The following ARHGAP22 variants were observed in gnomAD, a reference collection of about 807,000 sequenced individuals.
ARHGAP22 encodes the protein Rho GTPase activating protein 22, also known as rho GTPase-activating protein 22.
ARHGAP22 carries 48 observed loss-of-function variants against 59.1 expected under a neutral mutation model. That is an observed-to-expected ratio of 0.81 (90% CI 0.64 to 1.03). The LOEUF is 1.03. ARHGAP22 is among the 50% of genes least tolerant of loss of function. The pLI, the probability that ARHGAP22 is intolerant of heterozygous loss-of-function variation, is 0.00. For missense variants in ARHGAP22, 1,015 were observed against 958.7 expected (o/e 1.06, Z -0.78); for synonymous variants, 445 against 416.4 (o/e 1.07, Z -0.84).
chr10:48,630,979 A>G (rs1055299388), intron 1 of ARHGAP22, among the ~76,000 whole-genome samples: 1 of 152,234 alleles, frequency 6.6e-6, no homozygotes, highest in Admixed American at 6.5e-5. Context: ...AAAAGTTTTT[A>G]TCATGAATGA....
At chr10:48,624,989 G>A (rs891486364) in intron 1 of ARHGAP22, 1 of 152,222 alleles carries the variant, frequency 6.6e-6, no homozygotes, top group Non-Finnish European at 1.5e-5. Flanking sequence ...TTGGCATAAA[G>A]CTTTTTAGAA....
At chr10:48,495,284 T>C (rs2050801321) in intron 3 of ARHGAP22, among the ~76,000 whole-genome samples, 2 of 152,170 alleles carry the variant, frequency 1.3e-5, no homozygotes, top group Admixed American at 1.3e-4. Context: ...CAGCTTTGAT[T>C]GAGTGCTCAC....
In ARHGAP22 at chr10:48,451,668, AC is replaced by A. The variant is rs1184977146; in HGVS notation, c.989-529del. ...ATGCACCCCGCCCACCCCCTAAAAT[AC>A]CCCCCACAATCACACGTACAATGCA... On this transcript the variant is annotated intron_variant, in intron 8 of 9. Coordinates refer to ENST00000249601, the MANE Select transcript of ARHGAP22 (RefSeq NM_021226.4). 9.1e-6 allele frequency: 5 copies of A among 548,226 alleles called. No homozygotes were observed. In the African/African-American group the frequency reaches 1.1e-4, roughly 12 times the overall value. 34.0% of individuals were successfully genotyped at this position (548,226 alleles called of 1,614,324 possible).
chr10:48,456,233 C>T, intron 5 of ARHGAP22, among the ~76,000 whole-genome samples: 1 of 152,176 alleles, frequency 6.6e-6, no homozygotes, highest in Non-Finnish European at 1.5e-5. Flanking sequence ...TGCCATTATG[C>T]TATCACCTGA....
chr10:48,548,081 C>T (rs2056600111), intron 3 of ARHGAP22, among the ~76,000 whole-genome samples: 1 of 152,180 alleles, frequency 6.6e-6, no homozygotes, highest in Non-Finnish European at 1.5e-5. Context: ...AGCTTAAGCA[C>T]AGATACTGAG....
upstream of ARHGAP22, among the ~76,000 whole-genome samples, chr10:48,654,810 CTTTCTTTCTTTCTTT>C (rs1565068691): frequency 0.073 from 9,468 of 129,794 alleles, 449 homozygotes; most frequent in Middle Eastern, 0.11. Context: ...TTCTTTCTTT[CTTTCTTTCTTTCTTT>C]CTTCCTTCCT....
At chr10:48,535,836 T>A (rs2055298323) in intron 3 of ARHGAP22, among the ~76,000 whole-genome samples, 1 of 152,156 alleles carries the variant, frequency 6.6e-6, no homozygotes, top group South Asian at 2.1e-4. Flanking sequence ...CAGCATTGGC[T>A]GTGATATGAA....
intron 3 of ARHGAP22, among the ~76,000 whole-genome samples, chr10:48,547,544 G>C (rs2056550981): frequency 6.6e-6 from 1 of 152,212 alleles, no homozygotes; most frequent in Non-Finnish European, 1.5e-5. Flanking sequence ...AGAAATATGG[G>C]GCTCCCAGCC....
At chr10:48,503,107 C>T (rs2051705834) in intron 3 of ARHGAP22, among the ~76,000 whole-genome samples, 2 of 152,186 alleles carry the variant, frequency 1.3e-5, no homozygotes, top group South Asian at 4.1e-4. Context: ...GAATGCATGG[C>T]TGAGACTGGA....
chr10:48,649,291 C>T (rs979726353), intron 1 of ARHGAP22, among the ~76,000 whole-genome samples: 8 of 152,114 alleles, frequency 5.3e-5, no homozygotes, highest in Non-Finnish European at 1.0e-4. Flanking sequence ...ACATCTCTGC[C>T]AGCAGTGGGG....
chr10:48,592,352 C>T (rs993351519), intron 1 of ARHGAP22, among the ~76,000 whole-genome samples: 2 of 152,186 alleles, frequency 1.3e-5, no homozygotes, highest in Admixed American at 6.5e-5. Flanking sequence ...TCCCCAACAT[C>T]CGTCCCACCA....
intron 7 of ARHGAP22, among the ~76,000 whole-genome samples, chr10:48,453,727 G>A (rs1181639908): frequency 6.6e-6 from 1 of 152,190 alleles, no homozygotes. Context: ...AGTCAGCGCC[G>A]CCCCTGCATT....
At chr10:48,594,566 C>CA (rs2059953143) in intron 1 of ARHGAP22, among the ~76,000 whole-genome samples, 1 of 152,212 alleles carries the variant, frequency 6.6e-6, no homozygotes, top group African/African-American at 2.4e-5. Flanking sequence ...TCCCCACCCC[C>CA]AAATGTGCTG....
intron 3 of ARHGAP22, among the ~76,000 whole-genome samples, chr10:48,534,560 G>A (rs1196483374): frequency 4.6e-5 from 7 of 152,208 alleles, no homozygotes; most frequent in Non-Finnish European, 7.4e-5. Flanking sequence ...GGTGGGAGGC[G>A]GTCTCGGTTA....
intron 1 of ARHGAP22, among the ~76,000 whole-genome samples, chr10:48,628,947 T>C (rs2061540128): frequency 6.6e-6 from 1 of 152,190 alleles, no homozygotes. Flanking sequence ...AAGAACACAG[T>C]GCACAACCCT....
At chr10:48,494,781 C>T (rs1564763991) in intron 3 of ARHGAP22, among the ~76,000 whole-genome samples, 1 of 152,168 alleles carries the variant, frequency 6.6e-6, no homozygotes, top group Non-Finnish European at 1.5e-5. Context: ...CCTCCAGGTC[C>T]CTCGGACCAC....
At chr10:48,519,632 C>G (rs2053620216) in intron 3 of ARHGAP22, among the ~76,000 whole-genome samples, 1 of 152,206 alleles carries the variant, frequency 6.6e-6, no homozygotes, top group African/African-American at 2.4e-5. Context: ...AGCGGCAGAC[C>G]CAGGCTCACC....
chr10:48,460,141 G>A (rs1271938929), intron 4 of ARHGAP22, among the ~76,000 whole-genome samples: 2 of 152,188 alleles, frequency 1.3e-5, no homozygotes, highest in Non-Finnish European at 2.9e-5. Context: ...GTGAGATGGT[G>A]GTGTGACCTG....
chr10:48,530,236 CAAAAAA>C (rs60902650), intron 3 of ARHGAP22, among the ~76,000 whole-genome samples: 1 of 49,040 alleles, frequency 2.0e-5, no homozygotes. Flanking sequence ...GACTCCATTG[CAAAAAA>C]AAAAAAAAAA....
Sources: gnomAD v4.1 joint callset for allele counts (sites outside exome capture counted in the v4.1 genomes callset) on GRCh38, gnomAD v4.1.1 for gene constraint, MANE v1.5 for transcripts, NCBI Gene and HGNC (gene_info 2026-07-23, HGNC 2026-07-21) for gene names.